SNRNP35: variants seen among roughly 807,000 people sequenced by gnomAD.
SNRNP35 encodes U11/U12 small nuclear ribonucleoprotein 35 kDa protein.
SNRNP35 carries 16 observed loss-of-function variants against 24.3 expected under a neutral mutation model. The ratio of observed to expected loss-of-function variants is 0.66; its 90% CI spans 0.45 to 1.00. The LOEUF is 1.00. Among genes scored for constraint, SNRNP35 ranks in the 50% least tolerant of loss-of-function variants. The probability of loss-of-function intolerance (pLI) is 0.00; values close to 1 mark genes in which losing one functional copy is unlikely to be tolerated. For synonymous variants in SNRNP35, 106 were observed against 124.8 expected (o/e 0.85, Z 1.00); for missense variants, 292 against 327.2 (o/e 0.89, Z 0.83).
chr12:123,464,180 G>A (rs886293111), intron 1 of SNRNP35, among the ~76,000 whole-genome samples: 2 of 150,644 alleles, frequency 1.3e-5, no homozygotes, highest in African/African-American at 4.9e-5. Context: ...TGATCCACCT[G>A]CCTCAGCCTC....
At chr12:123,467,267 C>G (rs1054416692), downstream of SNRNP35, among the ~76,000 whole-genome samples, 1 of 152,244 alleles carries the variant, frequency 6.6e-6, no homozygotes, top group Non-Finnish European at 1.5e-5. Flanking sequence ...TCCATTCTCA[C>G]TCAAAATGCC....
chr12:123,462,294 G>A (rs34436758), intron 1 of SNRNP35, among the ~76,000 whole-genome samples: 2,192 of 152,238 alleles, frequency 0.014, 24 homozygotes, highest in Non-Finnish European at 0.024. Context: ...ATCATCCTGA[G>A]ATGTTTGCAC....
chr12:123,468,801 G>A (rs975282506), downstream of SNRNP35, among the ~76,000 whole-genome samples: 2 of 152,200 alleles, frequency 1.3e-5, no homozygotes, highest in African/African-American at 4.8e-5. Context: ...AGCCTCCATG[G>A]TAGGGACTTT....
At position 123,466,544 on chromosome 12, in the gene SNRNP35, T is replaced by C. The variant is rs75765724; in HGVS notation, c.*263T>C. 4,422 of 310,770 alleles carry C rather than the reference T, an allele frequency of 0.014. 126 individuals are homozygous for C. The highest frequency in any genetic ancestry group is 0.082 in the African/African-American group (3,680 of 44,968). The allele number at this position is 310,770 out of a possible 1,614,324, so 19.3% of individuals were successfully genotyped here. ...GCATCTGTACAGAAGGGCATTTTCT[T>C]TTCTTTTCTTTTTTTTTTTTTTGAG... On this transcript the variant is annotated 3_prime_UTR_variant, in exon 2 of 2. Coordinates refer to ENST00000526639, the MANE Select transcript of SNRNP35 (RefSeq NM_022717.4).
At chr12:123,461,875 C>T (rs1019580952) in intron 1 of SNRNP35, among the ~76,000 whole-genome samples, 2 of 152,008 alleles carry the variant, frequency 1.3e-5, no homozygotes, top group Admixed American at 6.6e-5. Context: ...GCGCCCGCCA[C>T]CACACCCAGC....
downstream of SNRNP35, among the ~76,000 whole-genome samples, chr12:123,467,954 G>T (rs1303878513): frequency 1.3e-5 from 2 of 152,182 alleles, no homozygotes; most frequent in Non-Finnish European, 2.9e-5. Context: ...TAGAAAACAA[G>T]ACTGCCTGCA....
chr12:123,466,400 G>C lies in SNRNP35; in HGVS notation c.*119G>C. 1 of 1,123,224 alleles carries C rather than the reference G, an allele frequency of 8.9e-7. No individual in the cohort carries two copies. The highest frequency in any genetic ancestry group is 1.2e-6 in the Non-Finnish European group (1 of 807,272). The allele number at this position is 1,123,224 out of a possible 1,614,324, so 69.6% of individuals were successfully genotyped here. A position where few individuals can be genotyped will look rare whatever the true frequency, so the allele number is the denominator to read the frequency against. On this transcript the variant is annotated 3_prime_UTR_variant, in exon 2 of 2. Transcript: ENST00000526639. ...AACTTACTGATGATCATGGGGTTTG[G>C]AATAGTTTTCTTTCCAATCTGGAAC... is the stretch of plus-strand genomic sequence containing the variant.
chr12:123,466,162 G>A lies in SNRNP35; in HGVS notation c.622G>A (p.Glu208Lys), dbSNP rs747568986. The A allele has an allele frequency of 6.2e-7, 1 of 1,608,022 alleles. No individual in the cohort carries two copies. Among genetic ancestry groups the A allele is most frequent in the Admixed American group, 1.7e-5 (1 of 58,296 alleles). The change falls in exon 2 of 2, where the codon GAG (glutamate) becomes AAG (lysine). Residue 208 changes from glutamate to lysine, a missense_variant. Physicochemically the swap from Glu to Lys is moderately conservative, Grantham distance 56. Transcript: ENST00000526639. ...GGATCGAGACCATGACAGGGGCCGG[G>A]AGAAGAGATGGCAAGAAAGAGAGCC... ...TRDRDHDRGR[E>K]KRWQEREPTR...
chr12:123,472,279 G>A (rs1468502708), exon 2 of SNRNP35: 2 of 422,944 alleles, frequency 4.7e-6, no homozygotes, highest in East Asian at 3.7e-5. Context: ...TCCGTTTGTG[G>A]GATTATTAAA....
chr12:123,465,728 A>C lies in SNRNP35; in HGVS notation c.188A>C (p.Lys63Thr). Residue 63 changes from lysine to threonine, a missense_variant, in exon 2 of 2, where the codon AAG becomes ACG. Transcript: ENST00000526639. This position sits in a 1 kb window ranked among gnomAD's most constrained non-coding sequence, Gnocchi z 4.2. ...GTGGCCAGACTAAACTTGCAGACCAAGGAGGACAAATTAAAGGAAGTCTTT... is the reference window on the plus strand; with the variant it reads ...GTGGCCAGACTAAACTTGCAGACCACGGAGGACAAATTAAAGGAAGTCTTT... ...LFVARLNLQT[K>T]EDKLKEVFSR... 6.2e-7 allele frequency: 1 copy of C among 1,613,880 alleles called. No individual in the cohort carries two copies. Among genetic ancestry groups the C allele is most frequent in the African/African-American group, 1.3e-5 (1 of 75,002 alleles).
chr12:123,461,282 A>ATT (rs71088913), intron 1 of SNRNP35, among the ~76,000 whole-genome samples: 65,618 of 130,744 alleles, frequency 0.5, 18,626 homozygotes, highest in East Asian at 0.97. Flanking sequence ...CGCCTGGCTA[A>ATT]TTTTTTTTTT....
downstream of SNRNP35, among the ~76,000 whole-genome samples, chr12:123,469,670 T>C (rs1262056607): frequency 6.6e-6 from 1 of 151,918 alleles, no homozygotes; most frequent in Non-Finnish European, 1.5e-5. Flanking sequence ...TTTTTTTATT[T>C]TAATTAATTT....
In SNRNP35 at chr12:123,466,308, A is replaced by T. The variant is rs746764808; in HGVS notation, c.*27A>T. 6.6e-7 allele frequency: 1 copy of T among 1,506,272 alleles called. No homozygotes were observed. The highest frequency in any genetic ancestry group is 8.8e-7 in the Non-Finnish European group (1 of 1,130,022). The allele number at this position is 1,506,272 out of a possible 1,614,324, so 93.3% of individuals were successfully genotyped here. A position where few individuals can be genotyped will look rare whatever the true frequency, so the allele number is the denominator to read the frequency against. On this transcript the variant is annotated 3_prime_UTR_variant, in exon 2 of 2. Transcript: ENST00000526639. ...GGCCCAACAGCAGAACCCCAAAGTG[A>T]AGTTACAGTGGAAATGAGTGGAGGG...
rs973126314 is a variant in SNRNP35 at position 123,466,430 on chromosome 12, G to T, written c.*149G>T. ...GTTTTCTTTCCAATCTGGAACTTCG[G>T]TTCAAGCTGATAGGAATTTATCATC... is the stretch of plus-strand genomic sequence containing the variant. On this transcript the variant is annotated 3_prime_UTR_variant, in exon 2 of 2. Transcript: ENST00000526639. 1.3e-6 allele frequency: 1 copy of T among 780,242 alleles called. No homozygotes were observed. The highest frequency in any genetic ancestry group is 1.7e-5 in the African/African-American group (1 of 57,190). The allele number at this position is 780,242 out of a possible 1,614,324, so 48.3% of individuals were successfully genotyped here.
chr12:123,465,706 G>T lies in SNRNP35; in HGVS notation c.166G>T (p.Ala56Ser). 1.2e-6 allele frequency: 2 copies of T among 1,613,816 alleles called. No individual in the cohort carries two copies. The highest frequency in any genetic ancestry group is 1.7e-6 in the Non-Finnish European group (2 of 1,179,882). Residue 56 changes from alanine to serine, a missense_variant, in exon 2 of 2, where the codon GCC (alanine) becomes TCC (serine). Coordinates refer to ENST00000526639, the MANE Select transcript of SNRNP35 (RefSeq NM_022717.4). The surrounding 1 kb of genome is among the most constrained non-coding windows in gnomAD (Gnocchi z 4.2). ...AGATCCCCTCCTCACCCTGTTTGTG[G>T]CCAGACTAAACTTGCAGACCAAGGA... Reference protein sequence around the residue: ...IGDPLLTLFVARLNLQTKEDK... With the variant: ...IGDPLLTLFVSRLNLQTKEDK...
rs1880988713 is a variant in SNRNP35 at position 123,466,415 on chromosome 12, C to CAAA, written c.*136_*137insAAA. The CAAA allele has an allele frequency of 1.1e-6, 1 of 915,712 alleles. No individual in the cohort carries two copies. The highest frequency in any genetic ancestry group is 1.6e-6 in the Non-Finnish European group (1 of 623,906). The allele number at this position is 915,712 out of a possible 1,614,324, so 56.7% of individuals were successfully genotyped here. On this transcript the variant is annotated 3_prime_UTR_variant, in exon 2 of 2. Transcript: ENST00000526639. ...ATGGGGTTTGGAATAGTTTTCTTTC[C>CAAA]AATCTGGAACTTCGGTTCAAGCTGA...
chr12:123,471,072 CT>C (rs869229964), downstream of SNRNP35: 907 of 134,384 alleles, frequency 6.7e-3, no homozygotes, highest in Admixed American at 7.0e-3. Context: ...TTCTTTCTTT[CT>C]TTTTTTTTTT....
At position 123,458,166 on chromosome 12, in the gene SNRNP35, C is replaced by T. The variant is rs140608017; in HGVS notation, c.-54C>T. ...GGCCGGCGCGGAGAATCTGCTGTCGCCTGCAGCTGCTCGCCTGTCTCCGTC... is the reference window on the plus strand; with the variant it reads ...GGCCGGCGCGGAGAATCTGCTGTCGTCTGCAGCTGCTCGCCTGTCTCCGTC... On this transcript the variant is annotated 5_prime_UTR_variant, in exon 1 of 2. Coordinates refer to ENST00000526639, the MANE Select transcript of SNRNP35 (RefSeq NM_022717.4). The T allele has an allele frequency of 5.0e-5, 49 of 985,440 alleles. 1 individual carries two copies. In the East Asian group the frequency reaches 4.3e-3, roughly 87 times the overall value. The allele number at this position is 985,440 out of a possible 1,614,324, so 61.0% of individuals were successfully genotyped here.
Position 123,465,840 on chromosome 12 carries a change from G to T in SNRNP35, c.300G>T (p.Lys100Asn). 1.2e-6 allele frequency: 2 copies of T among 1,614,082 alleles called. No homozygotes were observed. The highest frequency in any genetic ancestry group is 1.7e-6 in the Non-Finnish European group (2 of 1,180,022). The change falls in exon 2 of 2, where the codon AAG becomes AAT. Residue 100 changes from lysine to asparagine, a missense_variant. Lys to Asn is a moderately conservative substitution (Grantham distance 94). Transcript: ENST00000526639. The surrounding 1 kb of genome is among the most constrained non-coding windows in gnomAD (Gnocchi z 4.2). The part of the protein sequence containing the change: ...FSKGYAFIEY[K>N]EERAVIKAYR... ...AGGGCTACGCCTTCATCGAATACAA[G>T]GAGGAGCGTGCCGTGATCAAAGCTT...
Sources: gnomAD v4.1 joint callset for allele counts (sites outside exome capture counted in the v4.1 genomes callset) on GRCh38, gnomAD v4.1.1 for gene constraint, Gnocchi (gnomAD v3.1) non-coding constraint, MANE v1.5 for transcripts, NCBI Gene and HGNC (gene_info 2026-07-23, HGNC 2026-07-21) for gene names.